The following NTRK3 variants were observed in gnomAD, a reference collection of about 807,000 sequenced individuals.
The protein encoded by NTRK3 is neurotrophic receptor tyrosine kinase 3.
Under a neutral mutation model 91.7 loss-of-function variants are expected in NTRK3, and 24 were observed. The ratio of observed to expected loss-of-function variants is 0.26; its 90% CI spans 0.19 to 0.37. NTRK3 has a LOEUF of 0.37. Ranked by LOEUF, NTRK3 falls within the 10% of genes least tolerant of loss-of-function variation. The pLI, the probability that NTRK3 is intolerant of heterozygous loss-of-function variation, is 1.00. For missense variants in NTRK3, 880 were observed against 1,068.9 expected, an observed-to-expected ratio of 0.82 and a Z score of 2.46; for synonymous variants, 483 against 404.0, an observed-to-expected ratio of 1.20 and a Z score of -2.34.
rs1455623936 is a variant in NTRK3, at chr15:88,106,385, C to T, written c.1396+19886G>A. Among the ~76,000 whole-genome samples, 3 of 152,190 alleles carry T rather than the reference C, an allele frequency of 2.0e-5. 1 individual carries two copies. In the East Asian group the frequency reaches 5.8e-4, roughly 29 times the overall value. ...CACATTTTATAAATGCATACTTTGC[C>T]CTTTTGCCATGCAGCCTTGGGGCAA... On this transcript the variant is annotated intron_variant, in intron 13 of 18. Coordinates refer to ENST00000394480, the Ensembl canonical transcript of NTRK3.
At chr15:88,127,361 A>T in intron 11 of NTRK3, 135 bp from the exon 12 acceptor site, 2 of 764,154 alleles carry the variant, frequency 2.6e-6, no homozygotes, top group Non-Finnish European at 4.6e-6. Flanking sequence ...AGGCTCTTGC[A>T]GTCTGCCTTC....
intron 17 of NTRK3, chr15:87,908,559 C>G (rs2066906717): frequency 2.5e-6 from 1 of 399,272 alleles, no homozygotes; most frequent in Non-Finnish European, 4.4e-6. Context: ...CTGGCATGGC[C>G]CTTCCTGACA....
chr15:87,868,733 A>C lies in NTRK3; in HGVS notation c.*8202T>G, dbSNP rs1297188167. ...GGCTGTTGTGCCACAATGTGGAATT[A>C]TAGAGTGAGTCTGGCTCATTCTGGA... On this transcript the variant is annotated 3_prime_UTR_variant, in exon 19 of 19. Transcript: ENST00000394480. The C allele has an allele frequency of 2.3e-5, 5 of 221,824 alleles. No individual in the cohort carries two copies. The East Asian group carries it at 3.3e-4, about 15-fold the overall frequency. 13.7% of individuals were successfully genotyped at this position (221,824 alleles called of 1,614,324 possible). A position where few individuals can be genotyped will look rare whatever the true frequency, so the allele number is the denominator to read the frequency against.
At chr15:88,012,006 G>A (rs1474690687) in intron 14 of NTRK3, among the ~76,000 whole-genome samples, 1 of 152,152 alleles carries the variant, frequency 6.6e-6, no homozygotes, top group East Asian at 1.9e-4. Context: ...CCCACCTTAT[G>A]ACAGACACAC....
chr15:88,074,033 T>C (rs1371016946), intron 13 of NTRK3, among the ~76,000 whole-genome samples: 1 of 152,204 alleles, frequency 6.6e-6, no homozygotes, highest in Non-Finnish European at 1.5e-5. Flanking sequence ...CAAGGGGGCT[T>C]GTCTCTGTCT....
chr15:88,060,537 C>G (rs1180493683), intron 13 of NTRK3, among the ~76,000 whole-genome samples: 1 of 152,120 alleles, frequency 6.6e-6, no homozygotes, highest in East Asian at 1.9e-4. Flanking sequence ...GGGGAAGTGA[C>G]CAGTGGCAAG....
chr15:88,196,371 G>A (rs2047823204), intron 3 of NTRK3, among the ~76,000 whole-genome samples: 1 of 148,522 alleles, frequency 6.7e-6, no homozygotes, highest in Admixed American at 6.7e-5. Context: ...GAGGCACAGT[G>A]AAGAAGAGAG....
chr15:87,898,195 C>A (rs1030019553), intron 17 of NTRK3, among the ~76,000 whole-genome samples: 1 of 152,212 alleles, frequency 6.6e-6, no homozygotes, highest in Non-Finnish European at 1.5e-5. Context: ...ATTACCCTTA[C>A]AATGAGACAA....
At chr15:88,196,439 A>G (rs1234287702) in intron 3 of NTRK3, among the ~76,000 whole-genome samples, 1 of 152,142 alleles carries the variant, frequency 6.6e-6, no homozygotes, top group African/African-American at 2.4e-5. Context: ...AAGAATGTGG[A>G]GCAGGGGCTG....
chr15:88,208,010 G>A (rs974081288), intron 3 of NTRK3, among the ~76,000 whole-genome samples: 16 of 151,862 alleles, frequency 1.1e-4, no homozygotes, highest in African/African-American at 3.6e-4. Flanking sequence ...AGGCAAGTAA[G>A]GCTACTTGGT....
chr15:87,947,762 C>G (rs376630245), intron 14 of NTRK3, among the ~76,000 whole-genome samples: 14 of 152,248 alleles, frequency 9.2e-5, no homozygotes, highest in African/African-American at 3.4e-4. Context: ...CTGCACTAAC[C>G]AGACCCTAGG....
chr15:88,118,644 C>A (rs1011845481), intron 13 of NTRK3, among the ~76,000 whole-genome samples: 2 of 152,174 alleles, frequency 1.3e-5, no homozygotes, highest in African/African-American at 4.8e-5. Context: ...CTTTTAAAAT[C>A]TCATTTACTA....
At chr15:88,200,917 C>T (rs561532051) in intron 3 of NTRK3, among the ~76,000 whole-genome samples, 116 of 152,302 alleles carry the variant, frequency 7.6e-4, no homozygotes, top group African/African-American at 2.6e-3. Context: ...GCCCAAATCC[C>T]AGCTGCTCAG....
intron 13 of NTRK3, among the ~76,000 whole-genome samples, chr15:88,050,449 A>C (rs1160949541): frequency 1.3e-5 from 2 of 152,060 alleles, no homozygotes; most frequent in African/African-American, 2.4e-5. Flanking sequence ...GTATCTTTTT[A>C]AAGTTTAGCT....
intron 13 of NTRK3, among the ~76,000 whole-genome samples, chr15:88,107,626 T>C (rs2050859528): frequency 6.6e-6 from 1 of 152,164 alleles, no homozygotes; most frequent in Non-Finnish European, 1.5e-5. Flanking sequence ...GGCCCAATTG[T>C]GGCCCATTCC....
chr15:88,026,194 C>T (rs970407181), intron 14 of NTRK3, among the ~76,000 whole-genome samples: 1 of 152,072 alleles, frequency 6.6e-6, no homozygotes, highest in Non-Finnish European at 1.5e-5. Flanking sequence ...CGGTGTGAAC[C>T]CAGGAGGTGG....
At chr15:87,976,984 C>T (rs1238072523) in intron 14 of NTRK3, among the ~76,000 whole-genome samples, 2 of 53,416 alleles carry the variant, frequency 3.7e-5, no homozygotes, top group Non-Finnish European at 8.9e-5. Flanking sequence ...GCCTTGGCTG[C>T]TCAGACAACA....
At chr15:88,028,742 C>G (rs1030139045) in intron 14 of NTRK3, among the ~76,000 whole-genome samples, 1 of 152,158 alleles carries the variant, frequency 6.6e-6, no homozygotes, top group African/African-American at 2.4e-5. Context: ...GGGGCAGAGG[C>G]AGTTGCCTCT....
At chr15:87,958,986 A>T (rs1026169112) in intron 14 of NTRK3, among the ~76,000 whole-genome samples, 1 of 96,998 alleles carries the variant, frequency 1.0e-5, no homozygotes, top group Non-Finnish European at 2.1e-5. Flanking sequence ...CACTGCCCCC[A>T]CCCCCGCTCC....
Sources: gnomAD v4.1 joint callset for allele counts (sites outside exome capture counted in the v4.1 genomes callset) on GRCh38, gnomAD v4.1.1 for gene constraint, MANE v1.5 for transcripts, NCBI Gene and HGNC (gene_info 2026-07-23, HGNC 2026-07-21) for gene names.